The following SGCZ variants were observed in gnomAD, a reference collection of about 807,000 sequenced individuals.
The protein encoded by SGCZ is sarcoglycan zeta, also known as zeta-sarcoglycan.
SGCZ carries 40 observed loss-of-function variants against 41.3 expected under a neutral mutation model. That is an observed-to-expected ratio of 0.97 (90% CI 0.75 to 1.26). The LOEUF is 1.26. Ranked by LOEUF, SGCZ falls within the 50% of genes most tolerant of loss-of-function variation. SGCZ has a pLI of 0.00. For synonymous variants in SGCZ, 206 were observed against 137.5 expected, an observed-to-expected ratio of 1.50 and a Z score of -3.49; for missense variants, 552 against 369.8, an observed-to-expected ratio of 1.49 and a Z score of -4.04.
intron 6 of SGCZ, among the ~76,000 whole-genome samples, chr8:14,105,887 C>A (rs1382149): frequency 6.6e-6 from 1 of 151,626 alleles, no homozygotes; most frequent in African/African-American, 2.4e-5. Flanking sequence ...ATATAGTTAC[C>A]AAAACGTTAG....
At chr8:14,821,719 T>G (rs551272076) in intron 1 of SGCZ, among the ~76,000 whole-genome samples, 1 of 152,102 alleles carries the variant, frequency 6.6e-6, no homozygotes, top group East Asian at 1.9e-4. Context: ...AACATCCCTA[T>G]GATCATTTTA....
intron 1 of SGCZ, among the ~76,000 whole-genome samples, chr8:14,851,937 C>A (rs1563315384): frequency 6.6e-6 from 1 of 151,958 alleles, no homozygotes. Flanking sequence ...TGATAACACA[C>A]AGAAGAAGTG....
At chr8:14,940,759 G>A (rs1052484937) in intron 1 of SGCZ, among the ~76,000 whole-genome samples, 6 of 152,096 alleles carry the variant, frequency 3.9e-5, no homozygotes, top group African/African-American at 1.4e-4. Context: ...ATGTGTGTGT[G>A]TGTCTGTGTT....
intron 2 of SGCZ, among the ~76,000 whole-genome samples, chr8:14,411,160 A>C (rs1799350396): frequency 6.6e-6 from 1 of 152,132 alleles, no homozygotes; most frequent in African/African-American, 2.4e-5. Context: ...TAAGTTTTCA[A>C]ATTAGAAATA....
At chr8:14,311,317 C>T (rs1226012270) in intron 3 of SGCZ, among the ~76,000 whole-genome samples, 1 of 152,056 alleles carries the variant, frequency 6.6e-6, no homozygotes, top group African/African-American at 2.4e-5. Context: ...CAAGCACCAC[C>T]ATAGTTCCAC....
chr8:14,519,572 T>A (rs1465891537), intron 2 of SGCZ, among the ~76,000 whole-genome samples: 1 of 152,110 alleles, frequency 6.6e-6, no homozygotes, highest in Non-Finnish European at 1.5e-5. Context: ...TTCTACGGTA[T>A]TAGAAAATGT....
chr8:14,130,610 TAGTG>T (rs759990544), intron 5 of SGCZ, among the ~76,000 whole-genome samples: 2 of 152,144 alleles, frequency 1.3e-5, no homozygotes, highest in Non-Finnish European at 2.9e-5. Flanking sequence ...TTTAGGCAGA[TAGTG>T]AGGGTAAGAG....
intron 1 of SGCZ, among the ~76,000 whole-genome samples, chr8:14,871,908 G>GTA (rs113687101): frequency 2.0e-5 from 3 of 149,246 alleles, no homozygotes; most frequent in South Asian, 2.1e-4. Flanking sequence ...ATGTATGTAT[G>GTA]TATATATATG....
At chr8:14,773,958 GT>G (rs1800324541) in intron 1 of SGCZ, among the ~76,000 whole-genome samples, 1 of 152,190 alleles carries the variant, frequency 6.6e-6, no homozygotes, top group Non-Finnish European at 1.5e-5. Flanking sequence ...ATAGCCAGAA[GT>G]TTTCAAATAA....
chr8:15,158,667 G>A (rs935118102), intron 1 of SGCZ, among the ~76,000 whole-genome samples: 1 of 152,060 alleles, frequency 6.6e-6, no homozygotes, highest in Non-Finnish European at 1.5e-5. Context: ...AAAATATCTG[G>A]GTAGGTTCTT....
chr8:14,317,979 A>G (rs1349865444), intron 3 of SGCZ, among the ~76,000 whole-genome samples: 16 of 152,088 alleles, frequency 1.1e-4, no homozygotes, highest in Non-Finnish European at 2.4e-4. Context: ...TTAGAAAAAA[A>G]AAAAAACTTC....
intron 3 of SGCZ, among the ~76,000 whole-genome samples, chr8:14,281,946 T>C (rs1046200313): frequency 6.6e-6 from 1 of 152,142 alleles, no homozygotes; most frequent in Non-Finnish European, 1.5e-5. Context: ...CCATTTTGCA[T>C]TTAAACGAAC....
At chr8:14,503,251 A>G (rs1360602439) in intron 2 of SGCZ, among the ~76,000 whole-genome samples, 1 of 152,086 alleles carries the variant, frequency 6.6e-6, no homozygotes, top group African/African-American at 2.4e-5. Context: ...AACAATGAGA[A>G]CATATGGGGA....
chr8:14,568,099 C>T (rs906760320), intron 1 of SGCZ, among the ~76,000 whole-genome samples: 1 of 152,136 alleles, frequency 6.6e-6, no homozygotes. Context: ...ATGGATGAAG[C>T]TGGAAACCAT....
intron 1 of SGCZ, among the ~76,000 whole-genome samples, chr8:15,184,675 C>T (rs981943663): frequency 1.3e-5 from 2 of 152,064 alleles, no homozygotes; most frequent in South Asian, 2.1e-4. Flanking sequence ...TCACACACAC[C>T]CTTCCTGCTT....
At chr8:14,153,539 G>A (rs1803777654) in intron 5 of SGCZ, among the ~76,000 whole-genome samples, 1 of 152,218 alleles carries the variant, frequency 6.6e-6, no homozygotes, top group East Asian at 1.9e-4. Flanking sequence ...AGAACAAAGA[G>A]AGAAATAAAA....
chr8:14,893,766 C>T (rs1805103883), intron 1 of SGCZ, among the ~76,000 whole-genome samples: 1 of 152,144 alleles, frequency 6.6e-6, no homozygotes, highest in Non-Finnish European at 1.5e-5. Context: ...TCTTAAACAA[C>T]ATGTTAAACA....
Position 14,164,163 on chromosome 8 carries a change from A to AT in SGCZ, c.547+416dup, listed in dbSNP as rs1804134653. ...TAATTATGAAAGCCATATAAAATTA[A>AT]TTTAGTTTACTTTTATTATAACTTC... On this transcript the variant is annotated intron_variant, in intron 5 of 7. Coordinates refer to ENST00000382080, the MANE Select transcript of SGCZ (RefSeq NM_139167.4). Among the ~76,000 whole-genome samples, 3 of 152,184 alleles carry AT rather than the reference A, an allele frequency of 2.0e-5. No homozygotes were observed. The South Asian group carries it at 6.2e-4, about 32-fold the overall frequency.
At chr8:14,714,167 C>G (rs1182625523) in intron 1 of SGCZ, among the ~76,000 whole-genome samples, 1 of 152,022 alleles carries the variant, frequency 6.6e-6, no homozygotes, top group Non-Finnish European at 1.5e-5. Context: ...TGGGGTTTCA[C>G]CATGTTGGCC....
Sources: gnomAD v4.1 joint callset for allele counts (sites outside exome capture counted in the v4.1 genomes callset) on GRCh38, gnomAD v4.1.1 for gene constraint, MANE v1.5 for transcripts, NCBI Gene and HGNC (gene_info 2026-07-23, HGNC 2026-07-21) for gene names.